NELL1: variants seen among roughly 807,000 people sequenced by gnomAD.
NELL1 encodes the protein protein kinase C-binding protein NELL1.
NELL1 carries 76 observed loss-of-function variants against 107.4 expected under a neutral mutation model. The observed-to-expected ratio is 0.71, with a 90% CI of 0.59 to 0.86. The LOEUF (loss-of-function observed/expected upper bound fraction) is 0.86, where lower values mean the gene tolerates loss of function less well. Ranked by LOEUF, NELL1 falls within the 40% of genes least tolerant of loss-of-function variation. The pLI is 0.00. For synonymous variants in NELL1, 353 were observed against 341.2 expected, an observed-to-expected ratio of 1.03 and a Z score of -0.38; for missense variants, 1,024 against 1,005.5, an observed-to-expected ratio of 1.02 and a Z score of -0.25.
intron 2 of NELL1, among the ~76,000 whole-genome samples, chr11:20,744,179 C>T (rs929620378): frequency 6.6e-6 from 1 of 152,202 alleles, no homozygotes; most frequent in Non-Finnish European, 1.5e-5. Context: ...CTGTCCTCCA[C>T]TTACGCTCCA....
intron 13 of NELL1, among the ~76,000 whole-genome samples, chr11:21,210,485 G>A (rs774421166): frequency 1.3e-5 from 2 of 152,118 alleles, no homozygotes; most frequent in Non-Finnish European, 2.9e-5. Context: ...TGTTAATGAT[G>A]TTGAGAATCT....
At chr11:21,441,193 GTC>G (rs1166902503) in intron 15 of NELL1, among the ~76,000 whole-genome samples, 10 of 152,058 alleles carry the variant, frequency 6.6e-5, no homozygotes, top group African/African-American at 2.4e-4. Flanking sequence ...AACTTTGGCT[GTC>G]TTTATTTCTT....
chr11:20,814,553 GGT>G (rs1277440002), intron 3 of NELL1, among the ~76,000 whole-genome samples: 6 of 152,314 alleles, frequency 3.9e-5, no homozygotes, highest in Admixed American at 2.6e-4. Context: ...TGCAGTGTTT[GGT>G]TTTCTATTCT....
intron 2 of NELL1, among the ~76,000 whole-genome samples, chr11:20,728,219 T>A (rs895895449): frequency 6.6e-6 from 1 of 152,168 alleles, no homozygotes; most frequent in African/African-American, 2.4e-5. Flanking sequence ...CTTTGTTGGA[T>A]GCATAGGTTG....
intron 17 of NELL1, among the ~76,000 whole-genome samples, chr11:21,569,521 G>T (rs1857051610): frequency 6.6e-6 from 1 of 151,738 alleles, no homozygotes; most frequent in Non-Finnish European, 1.5e-5. Context: ...GAAAGAGAAG[G>T]CAACTATGAC....
chr11:20,946,662 C>T (rs952769674), intron 10 of NELL1, among the ~76,000 whole-genome samples: 4 of 152,112 alleles, frequency 2.6e-5, no homozygotes, highest in Non-Finnish European at 5.9e-5. Flanking sequence ...ATCAAGTTCC[C>T]TCAAAGCTGG....
Position 21,575,269 on chromosome 11 carries a change from T to C in NELL1, c.*247T>C. ...TTAAGTCAATGGTTGTTAAAAGAAG[T>C]TTCCCGTGTTGTAAATCATGTTTCC... On this transcript the variant is annotated 3_prime_UTR_variant, in exon 20 of 20. Transcript: ENST00000357134. 6.7e-6 allele frequency: 3 copies of C among 447,070 alleles called. No individual in the cohort carries two copies. Among genetic ancestry groups the C allele is most frequent in the Non-Finnish European group, 1.2e-5 (3 of 245,726 alleles). 27.7% of individuals were successfully genotyped at this position (447,070 alleles called of 1,614,324 possible). A position where few individuals can be genotyped will look rare whatever the true frequency, so the allele number is the denominator to read the frequency against.
At chr11:21,263,483 T>C (rs1398679517) in intron 14 of NELL1, among the ~76,000 whole-genome samples, 1 of 152,050 alleles carries the variant, frequency 6.6e-6, no homozygotes, top group Non-Finnish European at 1.5e-5. Flanking sequence ...TCTTTCAGCA[T>C]TCTGATTGCC....
chr11:20,827,792 T>C (rs534782551), intron 3 of NELL1, among the ~76,000 whole-genome samples: 1 of 151,394 alleles, frequency 6.6e-6, no homozygotes, highest in South Asian at 2.1e-4. Context: ...TCTTCCACCC[T>C]AAGTTAATGT....
At chr11:20,893,383 TA>T (rs1849659254) in intron 5 of NELL1, among the ~76,000 whole-genome samples, 1 of 145,268 alleles carries the variant, frequency 6.9e-6, no homozygotes, top group African/African-American at 2.5e-5. Context: ...TTTTTTTTAA[TA>T]AATAAAAAAA....
intron 16 of NELL1, among the ~76,000 whole-genome samples, chr11:21,558,198 G>A (rs1487095700): frequency 6.6e-6 from 1 of 151,894 alleles, no homozygotes; most frequent in Non-Finnish European, 1.5e-5. Context: ...TAGGGAAAGA[G>A]AGAGAGTACT....
intron 10 of NELL1, among the ~76,000 whole-genome samples, chr11:20,941,687 C>A (rs938390159): frequency 2.0e-5 from 3 of 152,208 alleles, no homozygotes; most frequent in Non-Finnish European, 2.9e-5. Flanking sequence ...CTGGGACACA[C>A]TAGTCAGAAT....
chr11:21,354,830 G>C (rs1048320156), intron 14 of NELL1, among the ~76,000 whole-genome samples: 2 of 152,162 alleles, frequency 1.3e-5, no homozygotes, highest in Admixed American at 6.5e-5. Flanking sequence ...TTACCTGGGA[G>C]AGTTTGCTGG....
intron 14 of NELL1, among the ~76,000 whole-genome samples, chr11:21,287,722 A>T (rs1849156547): frequency 6.6e-6 from 1 of 151,696 alleles, no homozygotes; most frequent in Non-Finnish European, 1.5e-5. Flanking sequence ...TTTTTTGGGG[A>T]GTCTTATCTT....
At chr11:21,518,480 G>A (rs544669982) in intron 15 of NELL1, among the ~76,000 whole-genome samples, 3 of 152,316 alleles carry the variant, frequency 2.0e-5, no homozygotes, top group African/African-American at 7.2e-5. Flanking sequence ...AGTAAAAAAT[G>A]TGGACCTGTC....
Position 21,488,226 on chromosome 11 carries a change from C to T in NELL1, c.1646-46148C>T, listed in dbSNP as rs148188561. ...ATTGAACAACTACAGAGTATACATT[C>T]GTCTCATTAACAAATAGAACATTCT... is the stretch of plus-strand genomic sequence containing the variant. On this transcript the variant is annotated intron_variant, in intron 15 of 19. Coordinates refer to ENST00000357134, the MANE Select transcript of NELL1 (RefSeq NM_006157.5). Among the ~76,000 whole-genome samples the T allele has an allele frequency of 4.8e-3, 723 of 152,052 alleles. 5 individuals carry two copies. The highest frequency in any genetic ancestry group is 0.016 in the African/African-American group (682 of 41,460).
chr11:20,777,303 T>C (rs1856768904), intron 2 of NELL1, among the ~76,000 whole-genome samples: 1 of 152,272 alleles, frequency 6.6e-6, no homozygotes, highest in Admixed American at 6.5e-5. Context: ...TGCAGGGCAT[T>C]AGCCCTGCCC....
intron 13 of NELL1, among the ~76,000 whole-genome samples, chr11:21,132,183 TTGTG>T (rs111574120): frequency 0.16 from 23,270 of 149,722 alleles, 1,840 homozygotes; most frequent in South Asian, 0.23. Context: ...AGCCTGTATT[TTGTG>T]TGTGTGTGTG....
intron 13 of NELL1, among the ~76,000 whole-genome samples, chr11:21,204,713 A>G (rs537562542): frequency 6.6e-6 from 1 of 151,696 alleles, no homozygotes; most frequent in Non-Finnish European, 1.5e-5. Context: ...TGGAATTTTC[A>G]GTCTTTTTAC....
Sources: allele counts gnomAD v4.1 joint callset (sites outside exome capture counted in the v4.1 genomes callset), GRCh38; gene constraint gnomAD v4.1.1; transcripts MANE v1.5; gene names NCBI Gene and HGNC (gene_info 2026-07-23, HGNC 2026-07-21).